The following ZPBP variants were observed in gnomAD, a reference collection of about 807,000 sequenced individuals.
ZPBP encodes zona pellucida binding protein, also known as zona pellucida-binding protein 1.
ZPBP carries 26 observed loss-of-function variants against 44.8 expected under a neutral mutation model. That is an observed-to-expected ratio of 0.58 (90% CI 0.43 to 0.81). ZPBP has a LOEUF of 0.81. Among genes scored for constraint, ZPBP ranks in the 30% least tolerant of loss-of-function variants. ZPBP has a pLI of 0.00. For missense variants in ZPBP, 409 were observed against 434.0 expected (o/e 0.94, Z 0.51); for synonymous variants, 174 against 153.2 (o/e 1.14, Z -1.00).
intron 2 of ZPBP, among the ~76,000 whole-genome samples, chr7:49,888,073 G>T (rs1791974094): frequency 6.6e-6 from 1 of 152,166 alleles, no homozygotes; most frequent in Non-Finnish European, 1.5e-5. Flanking sequence ...GTACATCTCT[G>T]TCCAACTCAG....
At chr7:49,856,698 C>T (rs563301309) in intron 2 of ZPBP, among the ~76,000 whole-genome samples, 1 of 152,276 alleles carries the variant, frequency 6.6e-6, no homozygotes, top group South Asian at 2.1e-4. Context: ...CAAAAGTTCT[C>T]TGATGTCCTT....
Position 49,877,489 on chromosome 7 carries a change from T to C in ZPBP, n.509+23629A>G, listed in dbSNP as rs1351174018. 9.5e-3 allele frequency among the ~76,000 whole-genome samples: 390 copies of C among 41,038 alleles called. 83 individuals carry two copies. The highest frequency in any genetic ancestry group is 0.01 in the Non-Finnish European group (255 of 25,094). The allele number at this position is 41,038 out of a possible 152,430, so 26.9% of individuals were successfully genotyped here. A position where few individuals can be genotyped will look rare whatever the true frequency, so the allele number is the denominator to read the frequency against. ...AAAAAAAAAAAAAAAAAAATATATA[T>C]ATATATATATATATATATATATATA... is the stretch of plus-strand genomic sequence containing the variant. On this transcript the variant is annotated intron_variant and non_coding_transcript_variant, in intron 2 of 2. Transcript: ENST00000465922.
intron 6 of ZPBP, among the ~76,000 whole-genome samples, chr7:49,995,229 G>A (rs1056731366): frequency 6.6e-6 from 1 of 152,224 alleles, no homozygotes; most frequent in Non-Finnish European, 1.5e-5. Context: ...GAAAGGAAAA[G>A]GTGATCAAGA....
At chr7:50,048,485 A>T (rs1046398304) in intron 4 of ZPBP, among the ~76,000 whole-genome samples, 4 of 152,144 alleles carry the variant, frequency 2.6e-5, no homozygotes, top group Non-Finnish European at 5.9e-5. Context: ...AACCTTTGAA[A>T]TAATCCAAAT....
chr7:49,921,513 C>A (rs556767976), intron 1 of ZPBP: 2 of 152,186 alleles, frequency 1.3e-5, no homozygotes, highest in African/African-American at 4.8e-5. Context: ...ATCAGGTACA[C>A]GTTACCTACC....
chr7:49,927,834 C>T (rs1562780836), intron 1 of ZPBP, among the ~76,000 whole-genome samples: 2 of 152,202 alleles, frequency 1.3e-5, no homozygotes, highest in South Asian at 4.1e-4. Flanking sequence ...GTCAGTAGCA[C>T]TGCTGTGAAG....
At chr7:49,918,760 TG>T (rs1272421680) in intron 1 of ZPBP, 1 of 152,216 alleles carries the variant, frequency 6.6e-6, no homozygotes, top group African/African-American at 2.4e-5. Context: ...CAACATATGG[TG>T]GGTAACTTAT....
At chr7:50,076,996 T>C (rs1394466268) in intron 3 of ZPBP, among the ~76,000 whole-genome samples, 1 of 151,688 alleles carries the variant, frequency 6.6e-6, no homozygotes, top group Non-Finnish European at 1.5e-5. Context: ...TGACTTCAAA[T>C]TATACTATAG....
intron 2 of ZPBP, among the ~76,000 whole-genome samples, chr7:49,864,663 C>G (rs560997971): frequency 6.6e-6 from 1 of 152,322 alleles, no homozygotes; most frequent in African/African-American, 2.4e-5. Context: ...TTAGGCAAAA[C>G]AGAGGCCTGC....
At chr7:50,090,644 CAT>C (rs765992825) in intron 1 of ZPBP, among the ~76,000 whole-genome samples, 4,715 of 150,388 alleles carry the variant, frequency 0.031, 94 homozygotes, top group Middle Eastern at 0.059. Context: ...TACACACACA[CAT>C]GCACACACAC....
chr7:50,072,411 A>G (rs575919991), intron 3 of ZPBP, among the ~76,000 whole-genome samples: 1 of 152,210 alleles, frequency 6.6e-6, no homozygotes, highest in Non-Finnish European at 1.5e-5. Context: ...TGAACCCACC[A>G]AGGGATTGGG....
intron 7 of ZPBP, among the ~76,000 whole-genome samples, chr7:49,982,205 A>T (rs1410770415): frequency 7.9e-5 from 2 of 25,320 alleles, no homozygotes; most frequent in Non-Finnish European, 1.4e-4. Flanking sequence ...TATTTATTAT[A>T]TATATATATA....
At chr7:49,909,209 T>C (rs551581227) in intron 1 of ZPBP, among the ~76,000 whole-genome samples, 1 of 152,348 alleles carries the variant, frequency 6.6e-6, no homozygotes, top group African/African-American at 2.4e-5. Context: ...TATCTAAGGA[T>C]ACAGGTCTTC....
intron 1 of ZPBP, chr7:49,918,093 C>A (rs1177928721): frequency 6.6e-6 from 1 of 152,128 alleles, no homozygotes; most frequent in African/African-American, 2.4e-5. Flanking sequence ...ATATCATCGG[C>A]CAAAAGTTAT....
chr7:49,995,210 A>G (rs905604097), intron 6 of ZPBP, among the ~76,000 whole-genome samples: 6 of 152,240 alleles, frequency 3.9e-5, no homozygotes, highest in Non-Finnish European at 7.3e-5. Context: ...GACCAGCGTG[A>G]TATCTTGTGA....
At chr7:49,841,958 C>G in the ZPBP span, among the ~76,000 whole-genome samples, 26,873 of 151,962 alleles carry the variant, frequency 0.18, 3,098 homozygotes, top group African/African-American at 0.32. Context: ...CCTCCACCTC[C>G]TGGGTTCAAG....
At chr7:50,079,273 C>T (rs1802252630) in intron 3 of ZPBP, among the ~76,000 whole-genome samples, 1 of 151,484 alleles carries the variant, frequency 6.6e-6, no homozygotes, top group Non-Finnish European at 1.5e-5. Context: ...GTACCTTATT[C>T]TCTTAATGCT....
At chr7:50,067,202 C>CT (rs904856131) in intron 3 of ZPBP, among the ~76,000 whole-genome samples, 3 of 151,914 alleles carry the variant, frequency 2.0e-5, no homozygotes, top group Admixed American at 6.6e-5. Context: ...TTGCCTTTCC[C>CT]TTTTTTTTAG....
At chr7:49,956,118 A>C (rs553568095) in intron 7 of ZPBP, among the ~76,000 whole-genome samples, 46 of 152,160 alleles carry the variant, frequency 3.0e-4, no homozygotes, top group Non-Finnish European at 3.8e-4. Context: ...ATTAAAGTGA[A>C]TTTAGAAGGA....
Sources: allele counts gnomAD v4.1 joint callset (sites outside exome capture counted in the v4.1 genomes callset), GRCh38; gene constraint gnomAD v4.1.1; transcripts MANE v1.5; gene names NCBI Gene and HGNC (gene_info 2026-07-23, HGNC 2026-07-21).